The following SLC13A1 variants were observed in gnomAD, a reference collection of about 807,000 sequenced individuals.
SLC13A1 encodes Na(+)/sulfate cotransporter.
In SLC13A1, 65 loss-of-function variants were observed where a neutral mutation model predicts 70.0. The observed-to-expected ratio is 0.93, with a 90% CI of 0.76 to 1.14. SLC13A1 has a LOEUF of 1.14. SLC13A1 is among the 50% of genes most tolerant of loss of function. The pLI, the probability that SLC13A1 is intolerant of heterozygous loss-of-function variation, is 0.00. For missense variants in SLC13A1, 726 were observed against 717.8 expected, an observed-to-expected ratio of 1.01 and a Z score of -0.13; for synonymous variants, 275 against 250.5, an observed-to-expected ratio of 1.10 and a Z score of -0.92.
chr7:123,117,342 A>C, intron 14 of SLC13A1, 129 bp downstream of exon 14: 1 of 859,132 alleles, frequency 1.2e-6, no homozygotes, highest in Non-Finnish European at 1.8e-6. Flanking sequence ...TGCACACTGC[A>C]TTCATAAACA....
chr7:123,187,182 C>A (rs1022849649), intron 1 of SLC13A1, among the ~76,000 whole-genome samples: 1 of 152,082 alleles, frequency 6.6e-6, no homozygotes, highest in Non-Finnish European at 1.5e-5. Context: ...GATACCTGCT[C>A]TGTATGTATA....
intron 6 of SLC13A1, among the ~76,000 whole-genome samples, chr7:123,153,834 A>G (rs952304733): frequency 6.6e-6 from 1 of 152,122 alleles, no homozygotes; most frequent in Non-Finnish European, 1.5e-5. Context: ...AAAACAAAAA[A>G]TATTTCTACA....
chr7:123,132,552 A>T (rs1047936594), intron 8 of SLC13A1, among the ~76,000 whole-genome samples: 1 of 152,012 alleles, frequency 6.6e-6, no homozygotes, highest in African/African-American at 2.4e-5. Flanking sequence ...TTGTATTTTT[A>T]GTAGAGAAGG....
rs1563351856 is a variant in SLC13A1 at position 123,181,097 on chromosome 7, G to T, written c.104C>A (p.Ala35Glu). 1.2e-6 allele frequency: 2 copies of T among 1,611,070 alleles called. No homozygotes were observed. Among genetic ancestry groups the T allele is most frequent in the East Asian group, 4.5e-5 (2 of 44,770 alleles). ...PLPIVLHTKEAECAYTLFVVA... is the reference protein window; with the variant it reads ...PLPIVLHTKEEECAYTLFVVA... ...CACAAAGAGTGTGTAGGCACATTCTGCTTCCTGGTAAGAACAAATGCAAAG... is the reference window on the plus strand; with the variant it reads ...CACAAAGAGTGTGTAGGCACATTCTTCTTCCTGGTAAGAACAAATGCAAAG... The change falls in exon 2 of 15, where the codon GCA becomes GAA. Residue 35 changes from alanine (A) to glutamate (E), a missense_variant. By Grantham distance (107) the Ala-to-Glu change is moderately radical (BLOSUM62 -1). Coordinates refer to ENST00000194130, the MANE Select transcript of SLC13A1 (RefSeq NM_022444.4).
intron 6 of SLC13A1, among the ~76,000 whole-genome samples, chr7:123,157,887 C>T (rs1794765375): frequency 6.6e-6 from 1 of 152,034 alleles, no homozygotes; most frequent in African/African-American, 2.4e-5. Flanking sequence ...ACACATAAAG[C>T]TGGTATCCTT....
chr7:123,169,909 T>C (rs756233964), intron 3 of SLC13A1, among the ~76,000 whole-genome samples: 10 of 152,170 alleles, frequency 6.6e-5, no homozygotes, highest in Non-Finnish European at 1.5e-4. Context: ...TTTGCTAAAA[T>C]GAGGTTTCTG....
chr7:123,163,440 T>C (rs1794975286), intron 6 of SLC13A1, among the ~76,000 whole-genome samples: 1 of 152,202 alleles, frequency 6.6e-6, no homozygotes, highest in South Asian at 2.1e-4. Context: ...AAATCTCTTT[T>C]TTAGATATGC....
chr7:123,169,834 G>A (rs919668139), intron 3 of SLC13A1, among the ~76,000 whole-genome samples: 1 of 152,130 alleles, frequency 6.6e-6, no homozygotes, highest in Non-Finnish European at 1.5e-5. Context: ...TATTTATAAA[G>A]CCTCTTTTTA....
chr7:123,193,715 G>A (rs1363654969), intron 1 of SLC13A1, among the ~76,000 whole-genome samples: 1 of 152,126 alleles, frequency 6.6e-6, no homozygotes, highest in Non-Finnish European at 1.5e-5. Context: ...TGACCTCTCT[G>A]AGTTTCTGTT....
At position 123,118,829 on chromosome 7, in the gene SLC13A1, G is replaced by A. The variant is rs139973923; in HGVS notation, c.1512+252C>T. ...TCTGACCCTCTCTCTTATTTATAAC[G>A]AAAAAAGCTGGACTGAGAAAAAGTA... On this transcript the variant is annotated intron_variant, in intron 13 of 14. Coordinates refer to ENST00000194130, the MANE Select transcript of SLC13A1 (RefSeq NM_022444.4). Among the ~76,000 whole-genome samples, 126 of 152,040 alleles carry A rather than the reference G, an allele frequency of 8.3e-4. 5 individuals are homozygous for A. The East Asian group carries it at 0.019, about 22-fold the overall frequency.
In SLC13A1 at chr7:123,118,658, C is replaced by A. The variant is rs557605332; in HGVS notation, c.1512+423G>T. Among the ~76,000 whole-genome samples, 8 of 152,196 alleles carry A rather than the reference C, an allele frequency of 5.3e-5. No individual in the cohort carries two copies. In the South Asian group the frequency reaches 1.7e-3, roughly 32 times the overall value. The stretch of plus-strand genomic sequence containing the variant: ...AGCCTGAAGTGTGAGCCTAGTTTTT[C>A]ATTCATTTGCAAATCACTTATATGA... On this transcript the variant is annotated intron_variant, in intron 13 of 14. Coordinates refer to ENST00000194130, the MANE Select transcript of SLC13A1 (RefSeq NM_022444.4).
In SLC13A1 at chr7:123,170,017, G is replaced by A. The variant is rs1795214700; in HGVS notation, c.366-682C>T. ...TACATTGTCTTCTTTTATAAATAGA[G>A]TAGTTATTAGTTATTCTCCTTAAAA... On this transcript the variant is annotated intron_variant, in intron 3 of 14. Coordinates refer to ENST00000194130, the MANE Select transcript of SLC13A1 (RefSeq NM_022444.4). Among the ~76,000 whole-genome samples, 11 of 152,068 alleles carry A rather than the reference G, an allele frequency of 7.2e-5. No individual in the cohort carries two copies. The South Asian group carries it at 1.2e-3, about 17-fold the overall frequency.
chr7:123,193,075 G>A (rs1796053113), intron 1 of SLC13A1, among the ~76,000 whole-genome samples: 1 of 151,988 alleles, frequency 6.6e-6, no homozygotes, highest in South Asian at 2.1e-4. Flanking sequence ...CAGTGGAACT[G>A]GAAAAAGGTA....
intron 7 of SLC13A1, among the ~76,000 whole-genome samples, chr7:123,142,060 G>A (rs770513022): frequency 7.9e-5 from 12 of 152,044 alleles, no homozygotes; most frequent in Non-Finnish European, 1.8e-4. Context: ...AGTTTCTCTA[G>A]TGATATGGTT....
rs1262309839 is a variant in SLC13A1 at position 123,117,665 on chromosome 7, T to C, written c.1513-57A>G. ...AAATTTTGAGGGTAGACACGAAACATAAAAAAAAAAAAAGTATTACAATAA... is the reference window on the plus strand; with the variant it reads ...AAATTTTGAGGGTAGACACGAAACACAAAAAAAAAAAAAGTATTACAATAA... On this transcript the variant is annotated intron_variant, in intron 13 of 14. Transcript: ENST00000194130. 20 of 865,692 alleles carry C rather than the reference T, an allele frequency of 2.3e-5. No individual in the cohort carries two copies. In the East Asian group the frequency reaches 5.1e-4, roughly 22 times the overall value. The allele number at this position is 865,692 out of a possible 1,614,324, so 53.6% of individuals were successfully genotyped here.
chr7:123,137,998 A>G (rs1414223169), intron 7 of SLC13A1, among the ~76,000 whole-genome samples: 1 of 152,134 alleles, frequency 6.6e-6, no homozygotes, highest in African/African-American at 2.4e-5. Context: ...GTCCTATCAA[A>G]TACTAGGTCT....
intron 7 of SLC13A1, 60 bp downstream of exon 7, chr7:123,147,099 A>G: frequency 1.3e-6 from 2 of 1,532,536 alleles, no homozygotes; most frequent in Non-Finnish European, 1.8e-6. Flanking sequence ...AGGTAAGAAT[A>G]ATTTTTATAA....
At position 123,119,154 on chromosome 7, in the gene SLC13A1, A is replaced by G. The variant is rs1365692511; in HGVS notation, c.1439T>C (p.Met480Thr). 17 of 1,612,750 alleles carry G rather than the reference A, an allele frequency of 1.1e-5. No homozygotes were observed. The highest frequency in any genetic ancestry group is 1.4e-5 in the Non-Finnish European group (17 of 1,179,194). Residue 480 changes from methionine to threonine, a missense_variant, in exon 13 of 15, where the codon ATG (methionine) becomes ACG (threonine). Physicochemically the swap from Met to Thr is moderately conservative, Grantham distance 81. Transcript: ENST00000194130. The part of the protein sequence containing the change: ...AWLIILISSL[M>T]VTSLTEVASN... ...GGCTACCTCAGTTAAAGATGTCACCATCAAAGAAGATATCAGAATTATTAG... is the reference window on the plus strand; with the variant it reads ...GGCTACCTCAGTTAAAGATGTCACCGTCAAAGAAGATATCAGAATTATTAG...
chr7:123,115,645 C>A lies in SLC13A1; in HGVS notation c.1661G>T (p.Gly554Val), dbSNP rs2116230126. Reference protein sequence around the residue: ...HLKVIDMVKAGLGVNIVGVAV... With the variant: ...HLKVIDMVKAVLGVNIVGVAV... ...AACACCAACAATGTTGACACCAAGT[C>A]CAGCTTTAACCTTGAACAGGAAAGA... The change falls in exon 15 of 15, where the codon GGA (glycine) becomes GTA (valine). Residue 554 changes from glycine to valine, a missense_variant. By Grantham distance (109) the Gly-to-Val change is moderately radical. Transcript: ENST00000194130. 1.9e-6 allele frequency: 3 copies of A among 1,613,636 alleles called. No homozygotes were observed. The South Asian group carries it at 3.3e-5, about 18-fold the overall frequency.
Sources: gnomAD v4.1 joint callset for allele counts (sites outside exome capture counted in the v4.1 genomes callset) on GRCh38, gnomAD v4.1.1 for gene constraint, MANE v1.5 for transcripts, NCBI Gene and HGNC (gene_info 2026-07-23, HGNC 2026-07-21) for gene names.